RPS6KA5: variants seen among roughly 807,000 people sequenced by gnomAD.
RPS6KA5 encodes the protein ribosomal protein S6 kinase A5.
A neutral mutation model predicts 85.5 loss-of-function variants in RPS6KA5; 27 were observed. That is an observed-to-expected ratio of 0.32 (90% CI 0.23 to 0.44). The LOEUF is 0.44. Among genes scored for constraint, RPS6KA5 ranks in the 20% least tolerant of loss-of-function variants. The pLI is 1.00. For synonymous variants in RPS6KA5, 334 were observed against 348.2 expected (o/e 0.96, Z 0.46); for missense variants, 811 against 980.9 (o/e 0.83, Z 2.31).
chr14:91,034,017 C>A (rs1037474919), intron 1 of RPS6KA5, among the ~76,000 whole-genome samples: 1 of 152,052 alleles, frequency 6.6e-6, no homozygotes, highest in Non-Finnish European at 1.5e-5. Context: ...ATAAAGAATT[C>A]TTTTTAGGCC....
At chr14:91,014,299 G>A (rs1005390340) in intron 1 of RPS6KA5, among the ~76,000 whole-genome samples, 1 of 151,996 alleles carries the variant, frequency 6.6e-6, no homozygotes, top group East Asian at 1.9e-4. Context: ...TCAAGAGGTC[G>A]AGACCATCCT....
intron 1 of RPS6KA5, among the ~76,000 whole-genome samples, chr14:91,041,796 C>T (rs137942308): frequency 1.3e-5 from 2 of 152,312 alleles, no homozygotes; most frequent in African/African-American, 4.8e-5. Flanking sequence ...ATTGTCAGGT[C>T]ACTTACCTTG....
At chr14:91,036,982 T>C (rs2042433266) in intron 1 of RPS6KA5, among the ~76,000 whole-genome samples, 1 of 152,138 alleles carries the variant, frequency 6.6e-6, no homozygotes, top group African/African-American at 2.4e-5. Flanking sequence ...AAAGCTTGCA[T>C]GAGGGAGTTT....
intron 1 of RPS6KA5, among the ~76,000 whole-genome samples, chr14:91,047,963 G>C (rs1248154672): frequency 6.6e-6 from 1 of 152,076 alleles, no homozygotes; most frequent in African/African-American, 2.4e-5. Flanking sequence ...CCTCTTACAA[G>C]AACTCTTGTG....
intron 1 of RPS6KA5, among the ~76,000 whole-genome samples, chr14:91,047,556 C>T (rs2042925430): frequency 6.6e-6 from 1 of 152,252 alleles, no homozygotes; most frequent in Non-Finnish European, 1.5e-5. Flanking sequence ...GACTGCTTCA[C>T]ATTCTGTTAT....
Position 90,899,831 on chromosome 14 carries a change from A to G in RPS6KA5, c.1379+277T>C, listed in dbSNP as rs1215557935. The stretch of plus-strand genomic sequence containing the variant: ...AATGGCAATGGCTGCCAAAATCACT[A>G]TGTGAGCCTGATTAAATATGTCACT... On this transcript the variant is annotated intron_variant, in intron 11 of 16. Coordinates refer to ENST00000614987, the MANE Select transcript of RPS6KA5 (RefSeq NM_004755.4). 2.6e-5 allele frequency among the ~76,000 whole-genome samples: 4 copies of G among 152,210 alleles called. No individual in the cohort carries two copies. In the East Asian group the frequency reaches 5.8e-4, roughly 22 times the overall value.
At chr14:90,950,017 G>T (rs1595305766) in intron 3 of RPS6KA5, among the ~76,000 whole-genome samples, 5 of 152,276 alleles carry the variant, frequency 3.3e-5, no homozygotes, top group Admixed American at 3.3e-4. Flanking sequence ...TATGAACTTG[G>T]GAATGCATGG....
chr14:90,950,506 G>A (rs2038117621), intron 3 of RPS6KA5, among the ~76,000 whole-genome samples: 1 of 152,180 alleles, frequency 6.6e-6, no homozygotes, highest in Non-Finnish European at 1.5e-5. Flanking sequence ...TAACCATTAA[G>A]CATTATGTTG....
At position 90,855,604 on chromosome 14, in the gene RPS6KA5, A is replaced by ATTTTTGTATTTTT. The variant is rs1555353422; in HGVS notation, c.*16457_*16469dup. The ATTTTTGTATTTTT allele has an allele frequency of 2.4e-3, 307 of 130,198 alleles. 2 individuals carry two copies. The highest frequency in any genetic ancestry group is 7.0e-3 in the African/African-American group (208 of 29,890). 8.1% of individuals were successfully genotyped at this position (130,198 alleles called of 1,614,324 possible). ...AGGCACCCACCACCACGCCCAGCTAATTTTTGTATTTTTTTTTTTTTGAGA... is the reference window on the plus strand; with the variant it reads ...AGGCACCCACCACCACGCCCAGCTAATTTTTGTATTTTTTTTTTGTATTTTTTTTTTTTTGAGA... On this transcript the variant is annotated 3_prime_UTR_variant, in exon 17 of 17. Transcript: ENST00000614987.
At chr14:91,017,655 G>A (rs1228644124) in intron 1 of RPS6KA5, among the ~76,000 whole-genome samples, 1 of 152,208 alleles carries the variant, frequency 6.6e-6, no homozygotes, top group African/African-American at 2.4e-5. Flanking sequence ...CATAGCCAGA[G>A]TTAATGGATT....
At chr14:90,998,880 G>A (rs748996861) in intron 2 of RPS6KA5, among the ~76,000 whole-genome samples, 11 of 152,304 alleles carry the variant, frequency 7.2e-5, no homozygotes, top group Non-Finnish European at 1.3e-4. Context: ...CAGCAGGGCC[G>A]TAGACATGAA....
rs1319542624 is a variant in RPS6KA5 at position 90,860,863 on chromosome 14, G to A, written c.*11211C>T. On this transcript the variant is annotated 3_prime_UTR_variant, in exon 17 of 17. Coordinates refer to ENST00000614987, the MANE Select transcript of RPS6KA5 (RefSeq NM_004755.4). ...GAAAAACACCAGAAAACATAAATAT[G>A]TGAGCAAACAAACAATATAGAGTCT... 6.7e-6 allele frequency: 1 copy of A among 150,232 alleles called. No individual in the cohort carries two copies. The highest frequency in any genetic ancestry group is 1.5e-5 in the Non-Finnish European group (1 of 67,726). 9.3% of individuals were successfully genotyped at this position (150,232 alleles called of 1,614,324 possible). A position where few individuals can be genotyped will look rare whatever the true frequency, so the allele number is the denominator to read the frequency against.
At position 90,848,097 on chromosome 14, in the gene RPS6KA5, A is replaced by G. The variant is rs1190891230; in HGVS notation, c.*23977T>C. ...ACAACTCATTCCGATCTACCCAAAC[A>G]AAGAGAAAACTAACTTCCAGACCAT... On this transcript the variant is annotated 3_prime_UTR_variant, in exon 17 of 17. Transcript: ENST00000614987. The G allele has an allele frequency of 6.6e-6, 1 of 152,240 alleles. No individual in the cohort carries two copies. Among genetic ancestry groups the G allele is most frequent in the Non-Finnish European group, 1.5e-5 (1 of 68,046 alleles). 9.4% of individuals were successfully genotyped at this position (152,240 alleles called of 1,614,324 possible). A position where few individuals can be genotyped will look rare whatever the true frequency, so the allele number is the denominator to read the frequency against.
At chr14:90,923,048 T>C (rs1419663448) in intron 6 of RPS6KA5, 65 bp downstream of exon 6, 2 of 1,201,846 alleles carry the variant, frequency 1.7e-6, no homozygotes, top group Non-Finnish European at 2.4e-6. Context: ...ACCTAAGTTG[T>C]TAACTAGGAT....
At position 90,954,742 on chromosome 14, in the gene RPS6KA5, A is replaced by C. The variant is rs1036708343; in HGVS notation, c.395-7192T>G. Among the ~76,000 whole-genome samples, 40 of 152,184 alleles carry C rather than the reference A, an allele frequency of 2.6e-4. 1 individual carries two copies. The highest frequency in any genetic ancestry group is 1.2e-4 in the Non-Finnish European group (8 of 68,024). ...GGGTAGTGGTGGTGGTGGTGGTAACAGTAGCAATAGTTCAATTTCTTTACT... is the reference window on the plus strand; with the variant it reads ...GGGTAGTGGTGGTGGTGGTGGTAACCGTAGCAATAGTTCAATTTCTTTACT... On this transcript the variant is annotated intron_variant, in intron 3 of 16. Coordinates refer to ENST00000614987, the MANE Select transcript of RPS6KA5 (RefSeq NM_004755.4).
chr14:90,973,656 G>T (rs2039424469), intron 3 of RPS6KA5, among the ~76,000 whole-genome samples: 1 of 151,060 alleles, frequency 6.6e-6, no homozygotes, highest in Non-Finnish European at 1.5e-5. Context: ...GGACTGTGCA[G>T]GAATAAAAAA....
chr14:90,997,809 G>C (rs1159621904), intron 2 of RPS6KA5, among the ~76,000 whole-genome samples: 1 of 151,916 alleles, frequency 6.6e-6, no homozygotes, highest in Non-Finnish European at 1.5e-5. Flanking sequence ...TCAGGAGTTC[G>C]AGACCAATCT....
Position 90,906,477 on chromosome 14 carries a change from A to T in RPS6KA5, c.807-178T>A, listed in dbSNP as rs541139102. ...TTTAGAATGAGATACCATAAAGTCA[A>T]ATTTCTGAAACTCAAAAGAGCAGTA... On this transcript the variant is annotated intron_variant, in intron 7 of 16. Transcript: ENST00000614987. Among the ~76,000 whole-genome samples the T allele has an allele frequency of 2.0e-5, 3 of 152,314 alleles. No individual in the cohort carries two copies. In the East Asian group the frequency reaches 5.8e-4, roughly 29 times the overall value.
At chr14:90,875,068 G>C in intron 15 of RPS6KA5, 133 bp downstream of exon 15, 1 of 828,928 alleles carries the variant, frequency 1.2e-6, no homozygotes, top group Non-Finnish European at 1.9e-6. Context: ...AGGCTGAAGA[G>C]AGTAGCCTGG....
Sources: gnomAD v4.1 joint callset for allele counts (sites outside exome capture counted in the v4.1 genomes callset) on GRCh38, gnomAD v4.1.1 for gene constraint, MANE v1.5 for transcripts, NCBI Gene and HGNC (gene_info 2026-07-23, HGNC 2026-07-21) for gene names.